EFCAB5: variants seen among roughly 807,000 people sequenced by gnomAD.
The protein encoded by EFCAB5 is EF-hand calcium-binding domain-containing protein 5.
In EFCAB5, 131 loss-of-function variants were observed where a neutral mutation model predicts 167.9. That is an observed-to-expected ratio of 0.78 (90% CI 0.68 to 0.90). The LOEUF (loss-of-function observed/expected upper bound fraction) is 0.90, where lower values mean the gene tolerates loss of function less well. Among genes scored for constraint, EFCAB5 ranks in the 40% least tolerant of loss-of-function variants. The pLI, the probability that EFCAB5 is intolerant of heterozygous loss-of-function variation, is 0.00. For synonymous variants in EFCAB5, 574 were observed against 602.8 expected, an observed-to-expected ratio of 0.95 and a Z score of 0.70; for missense variants, 1,663 against 1,745.2, an observed-to-expected ratio of 0.95 and a Z score of 0.84.
chr17:30,084,704 ATTTCTC>A (rs566826673), intron 18 of EFCAB5, among the ~76,000 whole-genome samples: 142 of 152,004 alleles, frequency 9.3e-4, no homozygotes, highest in Middle Eastern at 3.4e-3. Flanking sequence ...CCAGATTCAC[ATTTCTC>A]TCTCTTCTCC....
chr17:30,008,786 C>A (rs2068830596), intron 7 of EFCAB5, among the ~76,000 whole-genome samples: 1 of 152,030 alleles, frequency 6.6e-6, no homozygotes, highest in Non-Finnish European at 1.5e-5. Context: ...TTACAAACTG[C>A]ATTTATTTCC....
At chr17:30,019,947 A>G (rs1446688085) in intron 7 of EFCAB5, among the ~76,000 whole-genome samples, 1 of 152,204 alleles carries the variant, frequency 6.6e-6, no homozygotes, top group African/African-American at 2.4e-5. Flanking sequence ...TATAAAATGT[A>G]GAATGATTAA....
Position 30,078,227 on chromosome 17 carries a change from T to A in EFCAB5, c.2750T>A (p.Ile917Asn), listed in dbSNP as rs774240570. ...TTGTGTCTTTTAGCTAAACTACACATCCAATTTCCAAAGCCACACCCTGGT... is the reference window on the plus strand; with the variant it reads ...TTGTGTCTTTTAGCTAAACTACACAACCAATTTCCAAAGCCACACCCTGGT... The part of the protein sequence containing the change: ...KESMKKAKLH[I>N]QFPKPHPGHE... Residue 917 changes from isoleucine (I) to asparagine (N), a missense_variant, in exon 15 of 23, where the codon ATC becomes AAC. Physicochemically the swap from Ile to Asn is moderately radical, Grantham distance 149. Coordinates refer to ENST00000394835, the MANE Select transcript of EFCAB5 (RefSeq NM_198529.4). 1.2e-6 allele frequency: 2 copies of A among 1,611,680 alleles called. No homozygotes were observed. Among genetic ancestry groups the A allele is most frequent in the Admixed American group, 3.3e-5 (2 of 59,886 alleles).
At chr17:29,955,792 T>G (rs1225796934) in intron 3 of EFCAB5, among the ~76,000 whole-genome samples, 1 of 82,738 alleles carries the variant, frequency 1.2e-5, no homozygotes, top group Non-Finnish European at 2.3e-5. Context: ...ATGACATTCT[T>G]CACAGAACTA....
chr17:30,014,749 T>A (rs1416560256), intron 7 of EFCAB5, among the ~76,000 whole-genome samples: 1 of 152,196 alleles, frequency 6.6e-6, no homozygotes, highest in Admixed American at 6.5e-5. Context: ...CTTGACTCTA[T>A]CCAATTTGCC....
intron 7 of EFCAB5, among the ~76,000 whole-genome samples, chr17:30,028,901 C>T (rs1206847335): frequency 6.6e-6 from 1 of 152,056 alleles, no homozygotes; most frequent in Non-Finnish European, 1.5e-5. Flanking sequence ...CAGATTAGAG[C>T]CCACCCTATT....
chr17:29,942,200 T>C (rs772153164), intron 1 of EFCAB5, 40 bp from the exon 2 acceptor site: 332 of 1,527,078 alleles, frequency 2.2e-4, no homozygotes, highest in Admixed American at 3.3e-4. Flanking sequence ...AATCCACAGC[T>C]CTTTTTGGAT....
intron 4 of EFCAB5, among the ~76,000 whole-genome samples, chr17:29,982,961 A>G (rs922055903): frequency 3.3e-5 from 5 of 152,222 alleles, no homozygotes; most frequent in African/African-American, 9.6e-5. Context: ...AGGTCTCGAA[A>G]CACTCATTCA....
chr17:29,989,517 G>C (rs2068365967), intron 4 of EFCAB5, among the ~76,000 whole-genome samples: 1 of 152,220 alleles, frequency 6.6e-6, no homozygotes, highest in South Asian at 2.1e-4. Flanking sequence ...TCAGCTAAGG[G>C]AATAGTAAAG....
intron 7 of EFCAB5, among the ~76,000 whole-genome samples, chr17:30,029,981 T>A (rs1166471227): frequency 2.0e-5 from 3 of 152,226 alleles, no homozygotes; most frequent in Non-Finnish European, 4.4e-5. Context: ...ATAACTTGAC[T>A]AAGTACAGTT....
In EFCAB5 at chr17:30,091,705, G is replaced by A. The variant is rs764583492; in HGVS notation, c.3938-166G>A. ...GGGAGTAATTTCATTGCTTTCTTTT[G>A]ATTTCATGGCTAAAGAAACTGAGAT... is the stretch of plus-strand genomic sequence containing the variant. On this transcript the variant is annotated intron_variant, in intron 20 of 22. Transcript: ENST00000394835. Among the ~76,000 whole-genome samples the A allele has an allele frequency of 7.4e-4, 113 of 152,202 alleles. 1 individual carries two copies. The highest frequency in any genetic ancestry group is 2.2e-3 in the Admixed American group (34 of 15,278).
intron 7 of EFCAB5, among the ~76,000 whole-genome samples, chr17:30,015,606 C>T (rs2069016178): frequency 6.6e-6 from 1 of 152,166 alleles, no homozygotes; most frequent in African/African-American, 2.4e-5. Flanking sequence ...GTTTCACATC[C>T]TTGCCAACAC....
At chr17:30,007,871 C>A (rs1376890879) in intron 7 of EFCAB5, among the ~76,000 whole-genome samples, 2 of 152,108 alleles carry the variant, frequency 1.3e-5, no homozygotes, top group African/African-American at 4.8e-5. Context: ...CCTGTAATCC[C>A]AGCTACTCAG....
At chr17:29,993,124 G>T in intron 4 of EFCAB5, 41 bp from the exon 5 acceptor site, 1 of 1,514,404 alleles carries the variant, frequency 6.6e-7, no homozygotes, top group Non-Finnish European at 8.8e-7. Flanking sequence ...CCAAATCCAA[G>T]GGTATTAACT....
At chr17:29,945,775 G>A (rs1256859397) in intron 3 of EFCAB5, among the ~76,000 whole-genome samples, 2 of 152,118 alleles carry the variant, frequency 1.3e-5, no homozygotes, top group African/African-American at 4.8e-5. Context: ...TGGGGAAATT[G>A]GCTAGCTACA....
At chr17:29,963,606 T>G (rs1386152999) in intron 3 of EFCAB5, among the ~76,000 whole-genome samples, 1 of 152,208 alleles carries the variant, frequency 6.6e-6, no homozygotes, top group Non-Finnish European at 1.5e-5. Context: ...TTACAAGCAT[T>G]TGGTAAGAGT....
rs555056201 is a variant in EFCAB5, at chr17:29,986,628, A to C, written c.768-6537A>C. On this transcript the variant is annotated intron_variant, in intron 4 of 22. Coordinates refer to ENST00000394835, the MANE Select transcript of EFCAB5 (RefSeq NM_198529.4). The stretch of plus-strand genomic sequence containing the variant: ...GAGGGTGGTATGCCTCAATTATAGG[A>C]GTATATTCATTTTTTTTTTTTTTTT... 7.3e-4 allele frequency among the ~76,000 whole-genome samples: 91 copies of C among 125,118 alleles called. No homozygotes were observed. In the Middle Eastern group the frequency reaches 0.021, roughly 28 times the overall value. 82.1% of individuals were successfully genotyped at this position (125,118 alleles called of 152,430 possible).
At chr17:30,011,716 T>C (rs747405234) in intron 7 of EFCAB5, among the ~76,000 whole-genome samples, 13 of 152,250 alleles carry the variant, frequency 8.5e-5, no homozygotes, top group Non-Finnish European at 1.8e-4. Flanking sequence ...GCTGAGACGA[T>C]GGGGTTTTCT....
chr17:30,082,362 A>C (rs1280029956), intron 17 of EFCAB5, among the ~76,000 whole-genome samples: 1 of 149,708 alleles, frequency 6.7e-6, no homozygotes, highest in Admixed American at 6.7e-5. Context: ...AAGCATAAAA[A>C]GGTATGTGGG....
Sources: allele counts gnomAD v4.1 joint callset (sites outside exome capture counted in the v4.1 genomes callset), GRCh38; gene constraint gnomAD v4.1.1; transcripts MANE v1.5; gene names NCBI Gene and HGNC (gene_info 2026-07-23, HGNC 2026-07-21).